BATF3: variants seen among roughly 807,000 people sequenced by gnomAD.
The protein encoded by BATF3 is basic leucine zipper transcriptional factor ATF-like 3.
A neutral mutation model predicts 16.1 loss-of-function variants in BATF3; 8 were observed. The ratio of observed to expected loss-of-function variants is 0.50; its 90% confidence interval spans 0.29 to 0.90. BATF3 has a LOEUF of 0.90. Among genes scored for constraint, BATF3 ranks in the 40% least tolerant of loss-of-function variants. The pLI is 0.08. For missense variants in BATF3, 139 were observed against 167.0 expected (o/e 0.83, Z 0.92); for synonymous variants, 74 against 72.7 (o/e 1.02, Z -0.09).
In BATF3 at chr1:212,689,934, C is replaced by A. The variant is rs1384580683; in HGVS notation, c.196-2955G>T. On this transcript the variant is annotated intron_variant, in intron 2 of 2. Coordinates refer to ENST00000243440, the MANE Select transcript of BATF3 (RefSeq NM_018664.3). This position sits in a 1 kb window ranked among gnomAD's most constrained non-coding sequence, Gnocchi z 4.6. Reference sequence around the variant, plus strand: ...AGCCACAGACACTCTCACACACATACACAATCAACACACAGTCACACAAAC... The same window carrying A: ...AGCCACAGACACTCTCACACACATAAACAATCAACACACAGTCACACAAAC... Among the ~76,000 whole-genome samples, 1 of 150,688 alleles carries A rather than the reference C, an allele frequency of 6.6e-6. No homozygotes were observed. Among genetic ancestry groups the A allele is most frequent in the African/African-American group, 2.5e-5 (1 of 40,370 alleles).
Position 212,699,547 on chromosome 1 carries a change from C to A in BATF3, c.90+126G>T. ...CTACGCCCCTACCTCTGCTTGTCTC[C>A]GGCCGCACCCGCCACCTCTGCACCT... On this transcript the variant is annotated intron_variant, in intron 1 of 2. Coordinates refer to ENST00000243440, the MANE Select transcript of BATF3 (RefSeq NM_018664.3). This position sits in a 1 kb window ranked among gnomAD's most constrained non-coding sequence, Gnocchi z 4.4. 3 of 721,968 alleles carry A rather than the reference C, an allele frequency of 4.2e-6. No homozygotes were observed. The highest frequency in any genetic ancestry group is 5.7e-6 in the Non-Finnish European group (3 of 527,026). 44.7% of individuals were successfully genotyped at this position (721,968 alleles called of 1,614,324 possible).
At chr1:212,688,507 G>C (rs1656917610) in intron 2 of BATF3, among the ~76,000 whole-genome samples, 1 of 152,222 alleles carries the variant, frequency 6.6e-6, no homozygotes, top group African/African-American at 2.4e-5. Context: ...CTTAAGGGTA[G>C]GATTTTACAT....
chr1:212,694,003 A>G (rs1300800964), intron 2 of BATF3, among the ~76,000 whole-genome samples: 1 of 152,150 alleles, frequency 6.6e-6, no homozygotes, highest in Non-Finnish European at 1.5e-5. Flanking sequence ...ATCCAGGCAG[A>G]CCCAACGCAA....
intron 1 of BATF3, chr1:212,697,279 A>C: frequency 2.0e-6 from 1 of 498,316 alleles, no homozygotes; most frequent in Non-Finnish European, 3.6e-6. Context: ...CGCCGTTTAA[A>C]AGATGAGGAA....
Position 212,686,982 on chromosome 1 carries a change from G to T in BATF3, c.196-3C>A. The T allele has an allele frequency of 5.7e-6, 9 of 1,578,008 alleles. No homozygotes were observed. Among genetic ancestry groups the T allele is most frequent in the Non-Finnish European group, 7.0e-6 (8 of 1,147,194 alleles). ...TCTTGCTCCAGGCTCTCATATTCCT[G>T]GGGGAGACAGAATGGGCAAAATCAT... On this transcript the variant is annotated splice_region_variant and splice_polypyrimidine_tract_variant and intron_variant, in intron 2 of 2. Transcript: ENST00000243440.
At chr1:212,691,150 G>T (rs909419183) in intron 2 of BATF3, among the ~76,000 whole-genome samples, 1 of 152,144 alleles carries the variant, frequency 6.6e-6, no homozygotes, top group Non-Finnish European at 1.5e-5. Flanking sequence ...GATACGCAGG[G>T]TCCAGGATGC....
intron 2 of BATF3, among the ~76,000 whole-genome samples, chr1:212,692,394 A>C (rs1571834364): frequency 6.6e-6 from 1 of 151,830 alleles, no homozygotes. Context: ...ACGAAAGAGC[A>C]AAAAAAACCC....
rs1160321686 is a variant in BATF3, at chr1:212,699,160, G to A, written c.90+513C>T. Among the ~76,000 whole-genome samples, 1 of 152,246 alleles carries A rather than the reference G, an allele frequency of 6.6e-6. No individual in the cohort carries two copies. The highest frequency in any genetic ancestry group is 1.5e-5 in the Non-Finnish European group (1 of 68,032). On this transcript the variant is annotated intron_variant, in intron 1 of 2. Coordinates refer to ENST00000243440, the MANE Select transcript of BATF3 (RefSeq NM_018664.3). This position sits in a 1 kb window ranked among gnomAD's most constrained non-coding sequence, Gnocchi z 4.4. ...GCTAGGGGACAGCGAACTGGGAAGG[G>A]GCAAAGGGTTTCCACCAGCTGGGGG...
intron 2 of BATF3, among the ~76,000 whole-genome samples, chr1:212,691,663 A>G (rs1451660101): frequency 1.3e-5 from 2 of 152,250 alleles, no homozygotes; most frequent in Non-Finnish European, 2.9e-5. Context: ...ACATACCACA[A>G]TCACATTGCC....
Position 212,699,713 on chromosome 1 carries a change from G to A in BATF3, c.50C>T (p.Ala17Val), listed in dbSNP as rs1313324995. The change falls in exon 1 of 3, where the codon GCG (alanine) becomes GTG (valine). Residue 17 changes from alanine (A) to valine (V), a missense_variant. Ala to Val is a moderately conservative substitution (Grantham distance 64). Coordinates refer to ENST00000243440, the MANE Select transcript of BATF3 (RefSeq NM_018664.3). The surrounding 1 kb of genome is among the most constrained non-coding windows in gnomAD (Gnocchi z 4.4). ...AAGSVLQRSVAAPGNQPQPQP... is the reference protein window; with the variant it reads ...AAGSVLQRSVVAPGNQPQPQP... ...CGGCTGCGGCTGGTTCCCGGGCGCC[G>A]CGACGCTCCTCTGCAGGACGCTGCC... 3 of 1,348,468 alleles carry A rather than the reference G, an allele frequency of 2.2e-6. No homozygotes were observed. The Admixed American group carries it at 8.9e-5, about 40-fold the overall frequency. 83.5% of individuals were successfully genotyped at this position (1,348,468 alleles called of 1,614,324 possible).
chr1:212,693,870 G>C (rs566057586), intron 2 of BATF3, among the ~76,000 whole-genome samples: 7 of 152,274 alleles, frequency 4.6e-5, no homozygotes, highest in African/African-American at 1.7e-4. Context: ...CAGCATAATC[G>C]ATTCACTCCT....
intron 2 of BATF3, among the ~76,000 whole-genome samples, chr1:212,695,056 C>A (rs1003366842): frequency 2.0e-5 from 3 of 152,214 alleles, no homozygotes; most frequent in Non-Finnish European, 4.4e-5. Context: ...CCCAGAATGG[C>A]CTTGCTGAGA....
intron 2 of BATF3, among the ~76,000 whole-genome samples, chr1:212,688,083 G>C (rs1172297050): frequency 6.6e-6 from 1 of 151,564 alleles, no homozygotes; most frequent in Admixed American, 6.6e-5. Flanking sequence ...AAAAGAAAAA[G>C]CTCTTCTTTG....
Position 212,699,558 on chromosome 1 carries a change from G to T in BATF3, c.90+115C>A. On this transcript the variant is annotated intron_variant, in intron 1 of 2. Coordinates refer to ENST00000243440, the MANE Select transcript of BATF3 (RefSeq NM_018664.3). This position sits in a 1 kb window ranked among gnomAD's most constrained non-coding sequence, Gnocchi z 4.4. ...CCTCTGCTTGTCTCCGGCCGCACCC[G>T]CCACCTCTGCACCTCCGCAGTCACC... is the stretch of plus-strand genomic sequence containing the variant. 2.4e-6 allele frequency: 2 copies of T among 841,888 alleles called. No individual in the cohort carries two copies. Among genetic ancestry groups the T allele is most frequent in the Non-Finnish European group, 3.1e-6 (2 of 636,562 alleles). 52.2% of individuals were successfully genotyped at this position (841,888 alleles called of 1,614,324 possible). A position where few individuals can be genotyped will look rare whatever the true frequency, so the allele number is the denominator to read the frequency against.
At chr1:212,694,403 A>G (rs1657077262) in intron 2 of BATF3, among the ~76,000 whole-genome samples, 1 of 152,098 alleles carries the variant, frequency 6.6e-6, no homozygotes, top group South Asian at 2.1e-4. Flanking sequence ...CAGGCAAGGC[A>G]TGAGATCTTC....
chr1:212,694,320 T>C (rs563559531), intron 2 of BATF3, among the ~76,000 whole-genome samples: 105 of 152,268 alleles, frequency 6.9e-4, no homozygotes, highest in African/African-American at 2.4e-3. Context: ...AGCCACCAAA[T>C]GTGTGAGAGT....
At position 212,699,784 on chromosome 1, in the gene BATF3, G is replaced by GCCCGC. The variant is rs1044027341; in HGVS notation, c.-27_-23dup. 4.3e-4 allele frequency: 509 copies of GCCCGC among 1,180,370 alleles called. 1 individual carries two copies. Among genetic ancestry groups the GCCCGC allele is most frequent in the Middle Eastern group, 6.8e-4 (2 of 2,920 alleles). 73.1% of individuals were successfully genotyped at this position (1,180,370 alleles called of 1,614,324 possible). A position where few individuals can be genotyped will look rare whatever the true frequency, so the allele number is the denominator to read the frequency against. Reference sequence around the variant, plus strand: ...ACATGCCGGGCGCTCCTCTGGCCCGGCCCGCCCCGCCCCGCCCGCGCGCCC... The same window carrying GCCCGC: ...ACATGCCGGGCGCTCCTCTGGCCCGGCCCGCCCCGCCCCGCCCCGCCCGCGCGCCC... On this transcript the variant is annotated 5_prime_UTR_variant, in exon 1 of 3. Transcript: ENST00000243440. The surrounding 1 kb of genome is among the most constrained non-coding windows in gnomAD (Gnocchi z 4.4).
chr1:212,689,189 T>C lies in BATF3; in HGVS notation c.196-2210A>G, dbSNP rs1017426340. Among the ~76,000 whole-genome samples, 3 of 152,206 alleles carry C rather than the reference T, an allele frequency of 2.0e-5. No individual in the cohort carries two copies. Among genetic ancestry groups the C allele is most frequent in the African/African-American group, 4.8e-5 (2 of 41,450 alleles). ...ATGTAAAGGACCTAGGAACTTCTGC[T>C]ACTCCTCTCCTCTACCCCCTGCCTG... is the stretch of plus-strand genomic sequence containing the variant. On this transcript the variant is annotated intron_variant, in intron 2 of 2. Transcript: ENST00000243440. This position sits in a 1 kb window ranked among gnomAD's most constrained non-coding sequence, Gnocchi z 4.6.
intron 2 of BATF3, among the ~76,000 whole-genome samples, chr1:212,694,778 G>T (rs1258547655): frequency 6.6e-6 from 1 of 152,184 alleles, no homozygotes; most frequent in African/African-American, 2.4e-5. Context: ...CCGTTCTTCT[G>T]TGGAAATTCT....
Sources: gnomAD v4.1 joint callset for allele counts (sites outside exome capture counted in the v4.1 genomes callset) on GRCh38, gnomAD v4.1.1 for gene constraint, Gnocchi (gnomAD v3.1) non-coding constraint, MANE v1.5 for transcripts, NCBI Gene and HGNC (gene_info 2026-07-23, HGNC 2026-07-21) for gene names.